Variants in RALYL observed in about 807,000 individuals in gnomAD.
The protein encoded by RALYL is RNA-binding Raly-like protein.
In RALYL, 29 loss-of-function variants were observed where a neutral mutation model predicts 35.1. The observed-to-expected ratio is 0.83, with a 90% CI of 0.61 to 1.13. The LOEUF is 1.13. RALYL is among the 50% of genes most tolerant of loss of function. The probability of loss-of-function intolerance (pLI) is 0.00; values close to 1 mark genes in which losing one functional copy is unlikely to be tolerated. For missense variants in RALYL, 359 were observed against 360.4 expected (o/e 1.00, Z 0.03); for synonymous variants, 120 against 127.6 (o/e 0.94, Z 0.40).
chr8:84,794,221 A>T (rs1586313214), intron 3 of RALYL, among the ~76,000 whole-genome samples: 1 of 152,222 alleles, frequency 6.6e-6, no homozygotes, highest in Admixed American at 6.5e-5. Context: ...ACTTATTAGG[A>T]TGGGCGATCA....
intron 1 of RALYL, among the ~76,000 whole-genome samples, chr8:84,236,721 G>A (rs13276195): frequency 0.46 from 70,549 of 151,824 alleles, 16,798 homozygotes; most frequent in Non-Finnish European, 0.52. Flanking sequence ...CAATATCGTC[G>A]TGAGGTGACT....
chr8:84,260,033 A>G (rs1280183280), intron 1 of RALYL, among the ~76,000 whole-genome samples: 4 of 152,082 alleles, frequency 2.6e-5, no homozygotes. Flanking sequence ...TTATTTTATT[A>G]TGGTCTATCT....
rs148421780 is a variant in RALYL at position 84,336,649 on chromosome 8, A to G, written c.-24+152225A>G. Among the ~76,000 whole-genome samples, 1,171 of 152,222 alleles carry G rather than the reference A, an allele frequency of 7.7e-3. 19 individuals carry two copies. Among genetic ancestry groups the G allele is most frequent in the African/African-American group, 0.027 (1,126 of 41,560 alleles). ...AAAGCAACACAAATTGGTAATTGTT[A>G]GGGGATTGTCATGTGTTTGTTTTTT... is the stretch of plus-strand genomic sequence containing the variant. On this transcript the variant is annotated intron_variant, in intron 1 of 8. Transcript: ENST00000521268.
At chr8:84,419,171 C>A (rs1470255986) in intron 1 of RALYL, among the ~76,000 whole-genome samples, 1 of 152,154 alleles carries the variant, frequency 6.6e-6, no homozygotes, top group Non-Finnish European at 1.5e-5. Flanking sequence ...TCCAGCCATG[C>A]TACTATTAAT....
intron 1 of RALYL, among the ~76,000 whole-genome samples, chr8:84,318,778 A>T (rs1844255985): frequency 6.6e-6 from 1 of 152,210 alleles, no homozygotes; most frequent in African/African-American, 2.4e-5. Context: ...TTTTGTCATC[A>T]TAATGTTTAC....
intron 1 of RALYL, among the ~76,000 whole-genome samples, chr8:84,458,642 T>G (rs2050406458): frequency 6.6e-6 from 1 of 151,742 alleles, no homozygotes; most frequent in South Asian, 2.1e-4. Flanking sequence ...ATAAAAATAT[T>G]TCAGTCTTAT....
chr8:84,311,167 T>C (rs1005554433), intron 1 of RALYL, among the ~76,000 whole-genome samples: 1 of 144,182 alleles, frequency 6.9e-6, no homozygotes, highest in Non-Finnish European at 1.5e-5. Flanking sequence ...GTAAAAAGAA[T>C]GTATCAACTC....
chr8:84,601,719 G>A (rs191351737), intron 2 of RALYL, among the ~76,000 whole-genome samples: 353 of 151,640 alleles, frequency 2.3e-3, no homozygotes, highest in African/African-American at 5.3e-3. Context: ...TTTATTGTTA[G>A]GAGAAAAAAA....
At chr8:84,738,373 T>C (rs896898905) in intron 2 of RALYL, among the ~76,000 whole-genome samples, 6 of 151,992 alleles carry the variant, frequency 3.9e-5, no homozygotes, top group Admixed American at 2.0e-4. Context: ...GTCAAGACCA[T>C]AGAACCACGC....
intron 1 of RALYL, among the ~76,000 whole-genome samples, chr8:84,429,147 T>A (rs1267132105): frequency 6.6e-6 from 1 of 152,188 alleles, no homozygotes; most frequent in Non-Finnish European, 1.5e-5. Flanking sequence ...AAGCATATTC[T>A]ATGGCTTAAT....
At chr8:84,887,873 CTTAT>C in intron 8 of RALYL, 97 bp downstream of exon 8, 1 of 1,064,312 alleles carries the variant, frequency 9.4e-7, no homozygotes, top group Non-Finnish European at 1.4e-6. Context: ...TCATTTGGGG[CTTAT>C]TTCTCTTATA....
At chr8:84,200,894 A>G (rs1324966606) in intron 1 of RALYL, among the ~76,000 whole-genome samples, 1 of 152,180 alleles carries the variant, frequency 6.6e-6, no homozygotes, top group Non-Finnish European at 1.5e-5. Flanking sequence ...TAATTTAAGC[A>G]ATGCATTATG....
intron 2 of RALYL, among the ~76,000 whole-genome samples, chr8:84,664,568 T>C (rs1831596779): frequency 6.6e-6 from 1 of 152,034 alleles, no homozygotes; most frequent in African/African-American, 2.4e-5. Context: ...TATTCCTAGG[T>C]ATTTTATTAT....
intron 3 of RALYL, among the ~76,000 whole-genome samples, chr8:84,796,890 T>C (rs1427052): frequency 0.24 from 36,411 of 152,150 alleles, 4,601 homozygotes; most frequent in Non-Finnish European, 0.25. Flanking sequence ...ATATGGCCAG[T>C]GTAGCATTTA....
intron 2 of RALYL, among the ~76,000 whole-genome samples, chr8:84,650,118 T>C (rs1046647455): frequency 6.6e-6 from 1 of 152,128 alleles, no homozygotes; most frequent in African/African-American, 2.4e-5. Flanking sequence ...TTGTGATTTT[T>C]GTACATTGAT....
At chr8:84,599,957 G>T in intron 2 of RALYL, among the ~76,000 whole-genome samples, 1 of 144,012 alleles carries the variant, frequency 6.9e-6, no homozygotes. Context: ...GTAAAAGTAT[G>T]AACTCTCATG....
chr8:84,541,322 A>G (rs900450645), intron 2 of RALYL, among the ~76,000 whole-genome samples: 3 of 151,914 alleles, frequency 2.0e-5, no homozygotes, highest in Non-Finnish European at 2.9e-5. Flanking sequence ...GTTGATAAAT[A>G]TTTTCTAGTT....
At chr8:84,385,172 T>C (rs747459464) in intron 1 of RALYL, among the ~76,000 whole-genome samples, 1 of 151,844 alleles carries the variant, frequency 6.6e-6, no homozygotes, top group Non-Finnish European at 1.5e-5. Flanking sequence ...TTTACATATC[T>C]TAAAATTGTT....
At chr8:84,315,626 T>A (rs1843613567) in intron 1 of RALYL, among the ~76,000 whole-genome samples, 1 of 152,106 alleles carries the variant, frequency 6.6e-6, no homozygotes, top group Non-Finnish European at 1.5e-5. Flanking sequence ...ATTGGTTGAA[T>A]AAACTACCAA....
Sources: gnomAD v4.1 joint callset for allele counts (sites outside exome capture counted in the v4.1 genomes callset) on GRCh38, gnomAD v4.1.1 for gene constraint, MANE v1.5 for transcripts, NCBI Gene and HGNC (gene_info 2026-07-23, HGNC 2026-07-21) for gene names.